AGPS: variants seen among roughly 807,000 people sequenced by gnomAD.
AGPS encodes the protein alkylglycerone phosphate synthase, also known as alkyldihydroxyacetonephosphate synthase, peroxisomal.
A neutral mutation model predicts 90.7 loss-of-function variants in AGPS; 26 were observed. The ratio of observed to expected loss-of-function variants is 0.29; its 90% CI spans 0.21 to 0.40. The LOEUF (loss-of-function observed/expected upper bound fraction) is 0.40, where lower values mean the gene tolerates loss of function less well. Among genes scored for constraint, AGPS ranks in the 10% least tolerant of loss-of-function variants. The probability of loss-of-function intolerance (pLI) is 1.00; values close to 1 mark genes in which losing one functional copy is unlikely to be tolerated. For synonymous variants in AGPS, 294 were observed against 285.3 expected (o/e 1.03, Z -0.31); for missense variants, 540 against 816.1 (o/e 0.66, Z 4.12).
intron 2 of AGPS, among the ~76,000 whole-genome samples, chr2:177,424,193 A>G (rs1268063046): frequency 6.6e-6 from 1 of 152,068 alleles, no homozygotes; most frequent in Non-Finnish European, 1.5e-5. Context: ...GCTCCCACTT[A>G]TAAGTGAGAA....
chr2:177,400,212 A>G (rs1269982480), intron 1 of AGPS, among the ~76,000 whole-genome samples: 4 of 152,188 alleles, frequency 2.6e-5, no homozygotes, highest in Non-Finnish European at 5.9e-5. Context: ...AATCATTTTT[A>G]TAAATAAATT....
At position 177,392,973 on chromosome 2, in the gene AGPS, A is replaced by G; in HGVS notation, c.184A>G (p.Arg62Gly). Residue 62 changes from arginine (R) to glycine (G), a missense_variant, in exon 1 of 20, where the codon AGA becomes GGA. Arg to Gly is a moderately radical substitution (Grantham distance 125). This residue lies in a region of AGPS where 135 missense variants were observed against 124.0 expected (regional missense o/e 1.09). Transcript: ENST00000264167. ...GAGTACCAATGAGTGCAAAGCGCGG[A>G]GAGCCGCGTCGGCGGCCACGGCAGC... ...ALSTNECKAR[R>G]AASAATAAPT... 1 of 1,550,018 alleles carries G rather than the reference A, an allele frequency of 6.5e-7. No homozygotes were observed. The highest frequency in any genetic ancestry group is 8.7e-7 in the Non-Finnish European group (1 of 1,146,618).
chr2:177,450,392 C>T (rs1443740698), intron 8 of AGPS, among the ~76,000 whole-genome samples: 1 of 152,048 alleles, frequency 6.6e-6, no homozygotes, highest in Non-Finnish European at 1.5e-5. Context: ...GAGATTTTCT[C>T]CCATTTGAGT....
chr2:177,432,778 G>T, intron 2 of AGPS, among the ~76,000 whole-genome samples: 1 of 152,148 alleles, frequency 6.6e-6, no homozygotes, highest in Non-Finnish European at 1.5e-5. Context: ...TGTAGGCTGT[G>T]CAAGAAACAT....
chr2:177,442,462 T>G lies in AGPS; in HGVS notation c.765T>G (p.Ile255Met), dbSNP rs1259066753. The change falls in exon 7 of 20, where the codon ATT becomes ATG. Residue 255 changes from isoleucine (I) to methionine (M), a missense_variant. By Grantham distance (10) the Ile-to-Met change is conservative. Around this residue, in one of 2 missense-constraint regions of AGPS, gnomAD observed 405 missense variants for 692.1 expected, o/e 0.59. Coordinates refer to ENST00000264167, the MANE Select transcript of AGPS (RefSeq NM_003659.4). ...GTCCTGCAGATGAGACAAGAACAATTATTTCTTTGGACACTTCACAAATGG... is the reference window on the plus strand; with the variant it reads ...GTCCTGCAGATGAGACAAGAACAATGATTTCTTTGGACACTTCACAAATGG... ...LMCPADETRT[I>M]ISLDTSQMNR... is the part of the protein sequence containing the mutation. 1 of 1,613,322 alleles carries G rather than the reference T, an allele frequency of 6.2e-7. No individual in the cohort carries two copies.
Position 177,513,840 on chromosome 2 carries a change from T to C in AGPS, c.1629T>C (p.Asn543=), listed in dbSNP as rs144502265. 3.8e-5 allele frequency: 62 copies of C among 1,612,706 alleles called. No homozygotes were observed. The highest frequency in any genetic ancestry group is 1.3e-4 in the Admixed American group (8 of 59,970). Residue 543 remains asparagine (N), a synonymous_variant, in exon 17 of 20, where the codon AAT becomes AAC. Transcript: ENST00000264167. The part of the protein sequence containing the change: ...PWDRVVDLCR[N]VKERITRECK... ...TTAGGGTGGTAGATCTCTGTAGAAA[T>C]GTAAAAGAAAGAATAACAAGGGAAT...
In AGPS at chr2:177,513,802, C is replaced by G; in HGVS notation, c.1608-17C>G. The stretch of plus-strand genomic sequence containing the variant: ...TCACTTGAAAACTTAATATTGTATT[C>G]ATTTATCTTTTTTTAGGGTGGTAGA... On this transcript the variant is annotated splice_polypyrimidine_tract_variant and intron_variant, in intron 16 of 19. Coordinates refer to ENST00000264167, the MANE Select transcript of AGPS (RefSeq NM_003659.4). The G allele has an allele frequency of 6.3e-7, 1 of 1,578,098 alleles. No homozygotes were observed. The highest frequency in any genetic ancestry group is 8.7e-7 in the Non-Finnish European group (1 of 1,147,758).
intron 17 of AGPS, among the ~76,000 whole-genome samples, chr2:177,520,367 A>T (rs187559945): frequency 6.6e-6 from 1 of 152,378 alleles, no homozygotes; most frequent in Non-Finnish European, 1.5e-5. Context: ...TTTTTTAAAT[A>T]ATGAAAATTG....
At chr2:177,514,031 C>T (rs1197322207) in intron 17 of AGPS, 123 bp downstream of exon 17, 2 of 717,922 alleles carry the variant, frequency 2.8e-6, no homozygotes, top group Admixed American at 4.5e-5. Flanking sequence ...GCCAGCTTTC[C>T]TAACCTTCAC....
chr2:177,533,529 G>A (rs565344685), intron 19 of AGPS, among the ~76,000 whole-genome samples: 3 of 152,260 alleles, frequency 2.0e-5, no homozygotes, highest in African/African-American at 7.2e-5. Context: ...AGTGAGTATA[G>A]GTGGCTTGGA....
At chr2:177,406,247 A>C (rs1685464595) in intron 1 of AGPS, among the ~76,000 whole-genome samples, 1 of 152,160 alleles carries the variant, frequency 6.6e-6, no homozygotes, top group South Asian at 2.1e-4. Flanking sequence ...ATGATTCTTC[A>C]TTCTATTACC....
intron 11 of AGPS, among the ~76,000 whole-genome samples, chr2:177,484,448 A>G (rs995467013): frequency 2.0e-5 from 3 of 151,456 alleles, no homozygotes. Flanking sequence ...GATTCAAGCA[A>G]TTCTCTTGCC....
At chr2:177,455,102 G>A (rs1422721097) in intron 8 of AGPS, among the ~76,000 whole-genome samples, 8 of 152,084 alleles carry the variant, frequency 5.3e-5, no homozygotes. Context: ...CAAAAGGCTG[G>A]ACACCCGTGC....
intron 19 of AGPS, among the ~76,000 whole-genome samples, chr2:177,533,153 T>C (rs1331413352): frequency 6.6e-6 from 1 of 152,216 alleles, no homozygotes; most frequent in Non-Finnish European, 1.5e-5. Flanking sequence ...CTTTTAATTT[T>C]TTCAGTTTCT....
rs2079228831 is a variant in AGPS at position 177,540,887 on chromosome 2, T to C, written c.*2692T>C. ...GCTTTATAGACCCTTAGAGAAACTGTTGCCTTAATGTTTGGTGCAATTTCT... is the reference window on the plus strand; with the variant it reads ...GCTTTATAGACCCTTAGAGAAACTGCTGCCTTAATGTTTGGTGCAATTTCT... On this transcript the variant is annotated 3_prime_UTR_variant, in exon 20 of 20. Coordinates refer to ENST00000264167, the MANE Select transcript of AGPS (RefSeq NM_003659.4). 6.6e-6 allele frequency: 1 copy of C among 152,080 alleles called. No individual in the cohort carries two copies. The highest frequency in any genetic ancestry group is 2.4e-5 in the African/African-American group (1 of 41,434). The allele number at this position is 152,080 out of a possible 1,614,324, so 9.4% of individuals were successfully genotyped here.
chr2:177,506,722 A>G (rs1198080317), intron 15 of AGPS, among the ~76,000 whole-genome samples: 1 of 151,998 alleles, frequency 6.6e-6, no homozygotes, highest in Non-Finnish European at 1.5e-5. Context: ...CATTTTAGAA[A>G]TTTTGACTAA....
intron 10 of AGPS, among the ~76,000 whole-genome samples, chr2:177,477,405 G>T (rs1687813486): frequency 6.6e-6 from 1 of 152,048 alleles, no homozygotes; most frequent in South Asian, 2.1e-4. Flanking sequence ...GAAACTGAAA[G>T]AAGAAAGGAG....
At chr2:177,456,703 C>G (rs575769057) in intron 8 of AGPS, among the ~76,000 whole-genome samples, 2 of 152,004 alleles carry the variant, frequency 1.3e-5, no homozygotes, top group African/African-American at 4.8e-5. Flanking sequence ...ACAAAAGAAA[C>G]AAATTAATCG....
intron 10 of AGPS, among the ~76,000 whole-genome samples, chr2:177,479,312 TA>T (rs1687875614): frequency 1.3e-5 from 2 of 152,270 alleles, no homozygotes; most frequent in South Asian, 4.1e-4. Context: ...AGGGGAGCAC[TA>T]CCTCCCAGCT....
Sources: allele counts gnomAD v4.1 joint callset (sites outside exome capture counted in the v4.1 genomes callset), GRCh38; gene constraint gnomAD v4.1.1; regional missense constraint gnomAD v4.1.1; transcripts MANE v1.5; gene names NCBI Gene and HGNC (gene_info 2026-07-23, HGNC 2026-07-21).